HNRNPDL: variants seen among roughly 807,000 people sequenced by gnomAD.
The protein encoded by HNRNPDL is heterogeneous nuclear ribonucleoprotein D like, also known as heterogeneous nuclear ribonucleoprotein D-like.
A neutral mutation model predicts 48.0 loss-of-function variants in HNRNPDL; 18 were observed. That is an observed-to-expected ratio of 0.38 (90% CI 0.26 to 0.56). The LOEUF is 0.56. Ranked by LOEUF, HNRNPDL falls within the 20% of genes least tolerant of loss-of-function variation. HNRNPDL has a pLI of 0.77. For missense variants in HNRNPDL, 553 were observed against 540.7 expected, an observed-to-expected ratio of 1.02 and a Z score of -0.23; for synonymous variants, 306 against 207.3, an observed-to-expected ratio of 1.48 and a Z score of -4.09.
In HNRNPDL at chr4:82,430,443, C is replaced by G. The variant is rs569127504; in HGVS notation, c.-753G>C. ...AGGGCGCGCTCTCGCGCACCCTGCT[C>G]CCGCGTTCGCTTCTTTGTTCCCGCC... On this transcript the variant is annotated 5_prime_UTR_variant, in exon 1 of 8. Coordinates refer to ENST00000295470, the MANE Select transcript of HNRNPDL (RefSeq NM_031372.4). 3 of 206,528 alleles carry G rather than the reference C, an allele frequency of 1.5e-5. No homozygotes were observed. The East Asian group carries it at 4.0e-4, about 28-fold the overall frequency. The allele number at this position is 206,528 out of a possible 1,614,324, so 12.8% of individuals were successfully genotyped here.
intron 2 of HNRNPDL, 43 bp downstream of exon 2, chr4:82,428,235 C>A: frequency 6.2e-7 from 1 of 1,606,950 alleles, no homozygotes; most frequent in Non-Finnish European, 8.5e-7. Context: ...GAAAAATTTG[C>A]AAAACACCAC....
At chr4:82,427,150 A>C in intron 5 of HNRNPDL, 40 bp downstream of exon 5, 1 of 1,319,202 alleles carries the variant, frequency 7.6e-7, no homozygotes, top group Non-Finnish European at 1.1e-6. Context: ...TATACAGCTT[A>C]AATAAACCAC....
At position 82,426,494 on chromosome 4, in the gene HNRNPDL, A is replaced by G; in HGVS notation, c.1161T>C (p.Tyr387=). The change falls in exon 6 of 8, where the codon TAT becomes TAC. Residue 387 remains tyrosine (Y), a synonymous_variant. Transcript: ENST00000295470. The part of the protein sequence containing the change: ...YDYTGYNYGN[Y]GYGQGYADYS... ...AGTCTGCATATCCCTGTCCATATCC[A>G]TAGTTCCCATAGTTATACCCAGTAT... is the stretch of plus-strand genomic sequence containing the variant. 1 of 1,612,614 alleles carries G rather than the reference A, an allele frequency of 6.2e-7. No individual in the cohort carries two copies. Among genetic ancestry groups the G allele is most frequent in the Non-Finnish European group, 8.5e-7 (1 of 1,178,840 alleles).
In HNRNPDL at chr4:82,429,353, G is replaced by T; in HGVS notation, c.338C>A (p.Pro113His). ...AATRTARQHP[P>H]ADSSVTMEDM... Reference sequence around the variant, plus strand: ...CTCCATAGTGACGGAGCTGTCGGCAGGGGGGTGCTGGCGCGCAGTCCGGGT... The same window carrying T: ...CTCCATAGTGACGGAGCTGTCGGCATGGGGGTGCTGGCGCGCAGTCCGGGT... The change falls in exon 1 of 8, where the codon CCT (proline) becomes CAT (histidine). Residue 113 changes from proline to histidine, a missense_variant. By Grantham distance (77) the Pro-to-His change is moderately conservative. This residue lies in a region of HNRNPDL where 327 missense variants were observed against 203.2 expected (regional missense o/e 1.61). Transcript: ENST00000295470. The T allele has an allele frequency of 6.2e-7, 1 of 1,613,450 alleles. No homozygotes were observed. Among genetic ancestry groups the T allele is most frequent in the Non-Finnish European group, 8.5e-7 (1 of 1,179,776 alleles).
chr4:82,430,063 T>A lies in HNRNPDL; in HGVS notation c.-373A>T. On this transcript the variant is annotated 5_prime_UTR_variant, in exon 1 of 8. Coordinates refer to ENST00000295470, the MANE Select transcript of HNRNPDL (RefSeq NM_031372.4). ...CGCCGCGCGCACGCGTGTTTTGTCC[T>A]CGAGCTGGCAGGAACCAGCCGAACA... 6.4e-6 allele frequency: 1 copy of A among 156,728 alleles called. No individual in the cohort carries two copies. Among genetic ancestry groups the A allele is most frequent in the Non-Finnish European group, 1.4e-5 (1 of 71,308 alleles). 9.7% of individuals were successfully genotyped at this position (156,728 alleles called of 1,614,324 possible). A position where few individuals can be genotyped will look rare whatever the true frequency, so the allele number is the denominator to read the frequency against.
At position 82,428,182 on chromosome 4, in the gene HNRNPDL, A is replaced by G; in HGVS notation, c.613-3T>C. 6.2e-7 allele frequency: 1 copy of G among 1,613,520 alleles called. No individual in the cohort carries two copies. The highest frequency in any genetic ancestry group is 8.5e-7 in the Non-Finnish European group (1 of 1,179,742). ...TTGTGTTCTTTCAGTTCCAAAACCT[A>G]CAAGACAGATTTATTTAATCTGACA... On this transcript the variant is annotated splice_polypyrimidine_tract_variant and splice_region_variant and intron_variant, in intron 2 of 7. Coordinates refer to ENST00000295470, the MANE Select transcript of HNRNPDL (RefSeq NM_031372.4).
In HNRNPDL at chr4:82,429,821, G is replaced by A. The variant is rs1185565623; in HGVS notation, c.-131C>T. 5 of 575,334 alleles carry A rather than the reference G, an allele frequency of 8.7e-6. No individual in the cohort carries two copies. Among genetic ancestry groups the A allele is most frequent in the Non-Finnish European group, 1.3e-5 (5 of 376,792 alleles). 35.6% of individuals were successfully genotyped at this position (575,334 alleles called of 1,614,324 possible). On this transcript the variant is annotated 5_prime_UTR_variant, in exon 1 of 8. Coordinates refer to ENST00000295470, the MANE Select transcript of HNRNPDL (RefSeq NM_031372.4). ...GCAGTCCCGAGCAGAGCCGACGCAGGGCCACAGTCCCTCTTGCCTTGGGAG... is the reference window on the plus strand; with the variant it reads ...GCAGTCCCGAGCAGAGCCGACGCAGAGCCACAGTCCCTCTTGCCTTGGGAG...
Position 82,428,458 on chromosome 4 carries a change from A to G in HNRNPDL, c.444-12T>C. The G allele has an allele frequency of 6.4e-7, 1 of 1,571,810 alleles. No individual in the cohort carries two copies. Among genetic ancestry groups the G allele is most frequent in the South Asian group, 1.2e-5 (1 of 86,464 alleles). On this transcript the variant is annotated splice_polypyrimidine_tract_variant and intron_variant, in intron 1 of 7. Coordinates refer to ENST00000295470, the MANE Select transcript of HNRNPDL (RefSeq NM_031372.4). ...CAATAAACATTTTACTAGAAATAAAAGTGTTTTTAAAAAAAATTAACAATA... is the reference window on the plus strand; with the variant it reads ...CAATAAACATTTTACTAGAAATAAAGGTGTTTTTAAAAAAAATTAACAATA...
chr4:82,427,095 A>G, intron 5 of HNRNPDL, 95 bp downstream of exon 5: 3 of 859,268 alleles, frequency 3.5e-6, no homozygotes, highest in South Asian at 2.8e-5. Flanking sequence ...GAATGGTTTT[A>G]AGTTTAAAGT....
chr4:82,427,667 T>A, intron 3 of HNRNPDL, 103 bp from the exon 4 acceptor site: 1 of 1,056,220 alleles, frequency 9.5e-7, no homozygotes, highest in Non-Finnish European at 1.4e-6. Context: ...ATGTTATTCT[T>A]ATCGGGTGAC....
At position 82,428,481 on chromosome 4, in the gene HNRNPDL, A is replaced by G. The variant is rs6827156; in HGVS notation, c.444-35T>C. The G allele has an allele frequency of 2.8e-3, 4,150 of 1,493,092 alleles. 96 individuals carry two copies. In the African/African-American group the frequency reaches 0.05, roughly 18 times the overall value. 92.5% of individuals were successfully genotyped at this position (1,493,092 alleles called of 1,614,324 possible). On this transcript the variant is annotated intron_variant, in intron 1 of 7. Coordinates refer to ENST00000295470, the MANE Select transcript of HNRNPDL (RefSeq NM_031372.4). Reference sequence around the variant, plus strand: ...AAAGTGTTTTTAAAAAAAATTAACAATAACTCAAATGATCCTTCAGTTCTG... The same window carrying G: ...AAAGTGTTTTTAAAAAAAATTAACAGTAACTCAAATGATCCTTCAGTTCTG...
Position 82,426,489 on chromosome 4 carries a change from T to C in HNRNPDL, c.1166A>G (p.Tyr389Cys), listed in dbSNP as rs1305699379. 1.9e-6 allele frequency: 3 copies of C among 1,612,466 alleles called. No homozygotes were observed. Among genetic ancestry groups the C allele is most frequent in the African/African-American group, 2.7e-5 (2 of 74,924 alleles). ...ACTGTAGTCTGCATATCCCTGTCCA[T>C]ATCCATAGTTCCCATAGTTATACCC... ...YTGYNYGNYG[Y>C]GQGYADYSGQ... is the part of the protein sequence containing the mutation. Residue 389 changes from tyrosine (Y) to cysteine (C), a missense_variant, in exon 6 of 8, where the codon TAT becomes TGT. This residue lies in a region of HNRNPDL where 174 missense variants were observed against 204.6 expected (regional missense o/e 0.85). Transcript: ENST00000295470.
rs992535039 is a variant in HNRNPDL at position 82,423,680 on chromosome 4, T to A, written c.*1226A>T. 6.6e-6 allele frequency: 1 copy of A among 152,192 alleles called. No individual in the cohort carries two copies. Among genetic ancestry groups the A allele is most frequent in the Non-Finnish European group, 1.5e-5 (1 of 68,032 alleles). 9.4% of individuals were successfully genotyped at this position (152,192 alleles called of 1,614,324 possible). A position where few individuals can be genotyped will look rare whatever the true frequency, so the allele number is the denominator to read the frequency against. On this transcript the variant is annotated 3_prime_UTR_variant, in exon 8 of 8. Transcript: ENST00000295470. ...GGTCCCAAAATCCAACTACACTGAA[T>A]GCAAAATCCAAAGCTTTTTATTATT...
chr4:82,426,327 T>C, intron 6 of HNRNPDL, 136 bp downstream of exon 6: 1 of 883,664 alleles, frequency 1.1e-6, no homozygotes, highest in South Asian at 1.6e-5. Flanking sequence ...AATCATCCTA[T>C]GATTGTAACA....
At chr4:82,426,311 T>C in intron 6 of HNRNPDL, 152 bp downstream of exon 6, 3 of 837,348 alleles carry the variant, frequency 3.6e-6, no homozygotes, top group East Asian at 2.6e-5. Context: ...CAGTCTATGT[T>C]AGTATAATCA....
rs149258996 is a variant in HNRNPDL, at chr4:82,428,389, G to A, written c.501C>T (p.Tyr167=). The A allele has an allele frequency of 2.6e-5, 42 of 1,613,302 alleles. No homozygotes were observed. Among genetic ancestry groups the A allele is most frequent in the South Asian group, 9.9e-5 (9 of 91,062 alleles). Residue 167 remains tyrosine (Y), a synonymous_variant, in exon 2 of 8, where the codon TAC becomes TAT. Transcript: ENST00000295470. ...WDTSKKDLTE[Y]LSRFGEVVDC... is the part of the protein sequence containing the mutation. The stretch of plus-strand genomic sequence containing the variant: ...CTACAACTTCCCCAAATCGAGACAA[G>A]TACTCTGTCAGATCTTTTTTGCTTG...
Position 82,422,614 on chromosome 4 carries a change from A to C in HNRNPDL, c.*2292T>G, listed in dbSNP as rs1467882092. 1 of 152,218 alleles carries C rather than the reference A, an allele frequency of 6.6e-6. No homozygotes were observed. Among genetic ancestry groups the C allele is most frequent in the Non-Finnish European group, 1.5e-5 (1 of 68,046 alleles). 9.4% of individuals were successfully genotyped at this position (152,218 alleles called of 1,614,324 possible). Reference sequence around the variant, plus strand: ...TAATAGTCCTCATCTTATAAAAGTGAGATTACAGATTAACATGTTAACCAA... The same window carrying C: ...TAATAGTCCTCATCTTATAAAAGTGCGATTACAGATTAACATGTTAACCAA... On this transcript the variant is annotated 3_prime_UTR_variant, in exon 8 of 8. Transcript: ENST00000295470.
Position 82,429,468 on chromosome 4 carries a change from T to G in HNRNPDL, c.223A>C (p.Ile75Leu). 1 of 1,587,610 alleles carries G rather than the reference T, an allele frequency of 6.3e-7. No homozygotes were observed. The highest frequency in any genetic ancestry group is 8.6e-7 in the Non-Finnish European group (1 of 1,167,126). The change falls in exon 1 of 8, where the codon ATA becomes CTA. Residue 75 changes from isoleucine (I) to leucine (L), a missense_variant. Coordinates refer to ENST00000295470, the MANE Select transcript of HNRNPDL (RefSeq NM_031372.4). ...QPSRLAGGAA[I>L]KGGRRRRPDL... ...GGGCGCCGCCTGCGCCCTCCCTTTA[T>G]AGCCGCCCCGCCCGCCAATCGGGAG...
At chr4:82,428,536 A>T (rs1353974457) in intron 1 of HNRNPDL, 90 bp from the exon 2 acceptor site, 1 of 1,003,222 alleles carries the variant, frequency 1.0e-6, no homozygotes, top group Admixed American at 2.4e-5. Context: ...AAACAGGGAC[A>T]TTTACCCCCT....
Sources: gnomAD v4.1 joint callset for allele counts on GRCh38, gnomAD v4.1.1 for gene constraint, gnomAD v4.1.1 regional missense constraint, MANE v1.5 for transcripts, NCBI Gene and HGNC (gene_info 2026-07-23, HGNC 2026-07-21) for gene names.